CCND3: variants seen among roughly 807,000 people sequenced by gnomAD.
CCND3 encodes cyclin D3.
CCND3 carries 9 observed loss-of-function variants against 28.7 expected under a neutral mutation model. That is an observed-to-expected ratio of 0.31 (90% CI 0.19 to 0.55). The LOEUF is 0.55. CCND3 is among the 20% of genes least tolerant of loss of function. The pLI is 0.93. For missense variants in CCND3, 315 were observed against 385.8 expected (o/e 0.82, Z 1.54); for synonymous variants, 164 against 163.9 (o/e 1.00, Z 0.00).
chr6:42,004,626 G>C (rs1322366597), intron 1 of CCND3, among the ~76,000 whole-genome samples: 1 of 152,094 alleles, frequency 6.6e-6, no homozygotes, highest in African/African-American at 2.4e-5. Context: ...CAGCTACTCG[G>C]AGGCTGAGGC....
chr6:41,995,285 T>C (rs1222519738), intron 1 of CCND3, among the ~76,000 whole-genome samples: 1 of 151,992 alleles, frequency 6.6e-6, no homozygotes, highest in Non-Finnish European at 1.5e-5. Context: ...TGGGGTGCAG[T>C]CTTGCTCTGT....
intron 1 of CCND3, among the ~76,000 whole-genome samples, chr6:41,963,094 T>A (rs1408566537): frequency 6.6e-6 from 1 of 152,184 alleles, no homozygotes; most frequent in Non-Finnish European, 1.5e-5. Context: ...ACCTAAATTC[T>A]CCGTCCAGCC....
chr6:41,993,410 C>CTTT (rs70987558), intron 1 of CCND3, among the ~76,000 whole-genome samples: 2,593 of 101,626 alleles, frequency 0.026, 147 homozygotes, highest in African/African-American at 0.061. Context: ...CTCATGTCTT[C>CTTT]TTTTTTTTTT....
At chr6:42,038,738 T>TA (rs1304375692) in intron 1 of CCND3, among the ~76,000 whole-genome samples, 1 of 152,082 alleles carries the variant, frequency 6.6e-6, no homozygotes, top group Non-Finnish European at 1.5e-5. Context: ...TGGCCTTCAG[T>TA]AAAAAACTCA....
chr6:41,958,931 A>G (rs1265505521), intron 1 of CCND3, among the ~76,000 whole-genome samples: 1 of 152,232 alleles, frequency 6.6e-6, no homozygotes, highest in African/African-American at 2.4e-5. Context: ...AAAATGTTCA[A>G]TAGAGTTACC....
intron 1 of CCND3, among the ~76,000 whole-genome samples, chr6:42,015,702 T>G (rs1323064978): frequency 6.6e-6 from 1 of 151,516 alleles, no homozygotes; most frequent in Admixed American, 6.6e-5. Flanking sequence ...AAAGCAAGAC[T>G]CCATCTCAAA....
chr6:42,048,958 G>C lies in CCND3; in HGVS notation c.-503C>G. ...CGGGGCCGGGGCAGCACGGGTTCCC[G>C]GACCGCTGCCTCCCGGCGTTGGCAA... is the stretch of plus-strand genomic sequence containing the variant. On this transcript the variant is annotated 5_prime_UTR_variant, in exon 1 of 5. Transcript: ENST00000372988. The surrounding 1 kb of genome is among the most constrained non-coding windows in gnomAD (Gnocchi z 4.7). 1 of 200,860 alleles carries C rather than the reference G, an allele frequency of 5.0e-6. No individual in the cohort carries two copies. Among genetic ancestry groups the C allele is most frequent in the South Asian group, 8.0e-5 (1 of 12,426 alleles). 12.4% of individuals were successfully genotyped at this position (200,860 alleles called of 1,614,324 possible).
At chr6:41,961,618 A>G (rs9381102) in intron 1 of CCND3, among the ~76,000 whole-genome samples, 28,543 of 152,002 alleles carry the variant, frequency 0.19, 3,209 homozygotes, top group Non-Finnish European at 0.25. Flanking sequence ...CGCTTACGTT[A>G]GCCTTCCGAA....
chr6:41,992,242 A>C (rs1762668335), intron 1 of CCND3, among the ~76,000 whole-genome samples: 1 of 151,918 alleles, frequency 6.6e-6, no homozygotes, highest in South Asian at 2.1e-4. Context: ...AGCTCATTGC[A>C]ACCTCCACCT....
At chr6:42,015,905 G>C (rs549821399) in intron 1 of CCND3, among the ~76,000 whole-genome samples, 1 of 151,404 alleles carries the variant, frequency 6.6e-6, no homozygotes, top group Non-Finnish European at 1.5e-5. Flanking sequence ...CAGTTTTCAC[G>C]TATACAATAC....
In CCND3 at chr6:41,938,849, T is replaced by C. The variant is rs1775896272; in HGVS notation, c.415-1455A>G. ...TTCCTTGGGCCTCAGCCTCCTCTGCTGCACACGGATTTGGACCAACTGGAG... is the reference window on the plus strand; with the variant it reads ...TTCCTTGGGCCTCAGCCTCCTCTGCCGCACACGGATTTGGACCAACTGGAG... On this transcript the variant is annotated intron_variant, in intron 2 of 4. Coordinates refer to ENST00000372991, the MANE Select transcript of CCND3 (RefSeq NM_001760.5). This position sits in a 1 kb window ranked among gnomAD's most constrained non-coding sequence, Gnocchi z 4.6. Among the ~76,000 whole-genome samples the C allele has an allele frequency of 6.6e-6, 1 of 152,160 alleles. No homozygotes were observed. The highest frequency in any genetic ancestry group is 1.5e-5 in the Non-Finnish European group (1 of 68,008).
chr6:42,046,271 T>G (rs955964774), intron 1 of CCND3, among the ~76,000 whole-genome samples: 31 of 152,196 alleles, frequency 2.0e-4, no homozygotes, highest in Non-Finnish European at 3.4e-4. Flanking sequence ...TGCTCTCGCT[T>G]GCATCACCAG....
Position 41,941,732 on chromosome 6 carries a change from G to GTCTGGC in CCND3, c.-89_-84dup. On this transcript the variant is annotated 5_prime_UTR_variant, in exon 1 of 5. Transcript: ENST00000372991. This position sits in a 1 kb window ranked among gnomAD's most constrained non-coding sequence, Gnocchi z 6.1. ...ACGGGCCGGAGAGCGCGGGGCGCGG[G>GTCTGGC]TCTGGCGCTGGCGCTGGCACTGCGC... 9.5e-7 allele frequency: 1 copy of GTCTGGC among 1,049,630 alleles called. No homozygotes were observed. Among genetic ancestry groups the GTCTGGC allele is most frequent in the Non-Finnish European group, 1.2e-6 (1 of 810,516 alleles). 65.0% of individuals were successfully genotyped at this position (1,049,630 alleles called of 1,614,324 possible).
chr6:41,965,718 G>T (rs1761869038), intron 1 of CCND3, among the ~76,000 whole-genome samples: 1 of 152,112 alleles, frequency 6.6e-6, no homozygotes, highest in African/African-American at 2.4e-5. Flanking sequence ...CCCTCCCTCA[G>T]CTCACAAAGT....
intron 1 of CCND3, among the ~76,000 whole-genome samples, chr6:41,951,336 C>A (rs191896774): frequency 1.3e-5 from 2 of 151,212 alleles, no homozygotes; most frequent in African/African-American, 4.9e-5. Flanking sequence ...TGGGTGGATC[C>A]GAAGTCAAGA....
upstream of CCND3, among the ~76,000 whole-genome samples, chr6:41,944,019 T>C (rs1293503322): frequency 6.6e-6 from 1 of 152,206 alleles, no homozygotes; most frequent in Non-Finnish European, 1.5e-5. Context: ...TTAAAATCAG[T>C]ATTTTTAAAA....
chr6:42,012,013 T>C (rs1561986225), intron 1 of CCND3, among the ~76,000 whole-genome samples: 1 of 152,204 alleles, frequency 6.6e-6, no homozygotes, highest in East Asian at 1.9e-4. Flanking sequence ...ATTGAGCCAC[T>C]ATGCCCAGCT....
At chr6:41,996,098 A>G (rs1762791353) in intron 1 of CCND3, among the ~76,000 whole-genome samples, 1 of 144,012 alleles carries the variant, frequency 6.9e-6, no homozygotes, top group Admixed American at 7.2e-5. Context: ...ATTAGTAGAG[A>G]ATCTGCTCTC....
intron 1 of CCND3, among the ~76,000 whole-genome samples, chr6:41,959,345 C>A (rs1021609881): frequency 6.6e-6 from 1 of 151,652 alleles, no homozygotes; most frequent in Non-Finnish European, 1.5e-5. Context: ...CAAAACCAAA[C>A]AAACAAATGT....
Sources: allele counts gnomAD v4.1 joint callset (sites outside exome capture counted in the v4.1 genomes callset), GRCh38; gene constraint gnomAD v4.1.1; non-coding constraint Gnocchi (gnomAD v3.1); transcripts MANE v1.5; gene names NCBI Gene and HGNC (gene_info 2026-07-23, HGNC 2026-07-21).